Variants in CACNA1E observed in about 807,000 individuals in gnomAD.
CACNA1E encodes calcium voltage-gated channel subunit alpha1 E, also known as voltage-dependent R-type calcium channel subunit alpha-1E.
CACNA1E carries 40 observed loss-of-function variants against 259.2 expected under a neutral mutation model. The ratio of observed to expected loss-of-function variants is 0.15; its 90% CI spans 0.12 to 0.20. The LOEUF (loss-of-function observed/expected upper bound fraction) is 0.20. Among genes scored for constraint, CACNA1E ranks in the 10% least tolerant of loss-of-function variants. CACNA1E has a pLI of 1.00. For synonymous variants in CACNA1E, 1,104 were observed against 1,138.5 expected (o/e 0.97, Z 0.61); for missense variants, 1,874 against 3,040.1 (o/e 0.62, Z 9.02).
At chr1:181,599,154 C>G (rs1203308710) in intron 6 of CACNA1E, among the ~76,000 whole-genome samples, 3 of 151,950 alleles carry the variant, frequency 2.0e-5, no homozygotes, top group East Asian at 1.9e-4. Context: ...GTTGTTCCCC[C>G]CTCCCATGTG....
intron 3 of CACNA1E, among the ~76,000 whole-genome samples, chr1:181,531,622 A>C (rs1667787715): frequency 1.3e-5 from 2 of 152,210 alleles, no homozygotes; most frequent in Admixed American, 6.5e-5. Context: ...ATGTTCACTC[A>C]TACTTTGCCC....
At chr1:181,784,140 G>A (rs1660663004) in intron 40 of CACNA1E, among the ~76,000 whole-genome samples, 1 of 152,202 alleles carries the variant, frequency 6.6e-6, no homozygotes, top group South Asian at 2.1e-4. Context: ...AGAAGGTGCT[G>A]TCATAGAGGC....
At chr1:181,665,238 TAC>T (rs1193663754) in intron 7 of CACNA1E, among the ~76,000 whole-genome samples, 3 of 152,242 alleles carry the variant, frequency 2.0e-5, no homozygotes, top group Middle Eastern at 6.8e-3. Flanking sequence ...TATGCATACA[TAC>T]ACACACATTT....
chr1:181,416,124 C>T (rs1237466094), intron 2 of CACNA1E, among the ~76,000 whole-genome samples: 1 of 152,050 alleles, frequency 6.6e-6, no homozygotes, highest in Non-Finnish European at 1.5e-5. Flanking sequence ...CTTGGACATG[C>T]TCAGTTATCT....
At chr1:181,495,463 A>G (rs921833760) in intron 1 of CACNA1E, among the ~76,000 whole-genome samples, 1 of 152,240 alleles carries the variant, frequency 6.6e-6, no homozygotes. Flanking sequence ...GAGATAATAC[A>G]TGCAAAGTGC....
chr1:181,747,769 G>T, intron 25 of CACNA1E, among the ~76,000 whole-genome samples: 1 of 152,204 alleles, frequency 6.6e-6, no homozygotes, highest in African/African-American at 2.4e-5. Context: ...TAAGGTACTT[G>T]AAGAGCTCAT....
intron 7 of CACNA1E, among the ~76,000 whole-genome samples, chr1:181,691,155 A>G (rs183835405): frequency 9.9e-5 from 15 of 151,628 alleles, no homozygotes; most frequent in African/African-American, 1.2e-4. Context: ...CCTCACTTTC[A>G]GTTTTCTCAT....
chr1:181,455,297 T>G (rs1359477102), intron 2 of CACNA1E, among the ~76,000 whole-genome samples: 1 of 152,150 alleles, frequency 6.6e-6, no homozygotes, highest in Non-Finnish European at 1.5e-5. Context: ...GAGCAATTTT[T>G]GAGGAGTGGA....
At chr1:181,440,754 C>G (rs1164571286) in intron 2 of CACNA1E, among the ~76,000 whole-genome samples, 2 of 151,806 alleles carry the variant, frequency 1.3e-5, no homozygotes, top group African/African-American at 4.8e-5. Context: ...TGGGGTAGGC[C>G]TTGGATTGCC....
Position 181,362,097 on chromosome 1 carries a change from A to G in CACNA1E, c.-15+43974A>G, listed in dbSNP as rs577339941. 2.0e-5 allele frequency among the ~76,000 whole-genome samples: 3 copies of G among 152,332 alleles called. No individual in the cohort carries two copies. In the South Asian group the frequency reaches 6.2e-4, roughly 32 times the overall value. On this transcript the variant is annotated intron_variant, in intron 1 of 11. Transcript: ENST00000524607. ...ATAGGACTATTTTGAAGCATCTGGCATCCAGTAGGTATTAAATGAACCTTA... is the reference window on the plus strand; with the variant it reads ...ATAGGACTATTTTGAAGCATCTGGCGTCCAGTAGGTATTAAATGAACCTTA...
intron 6 of CACNA1E, among the ~76,000 whole-genome samples, chr1:181,627,558 A>G (rs1263010027): frequency 2.0e-5 from 3 of 152,178 alleles, no homozygotes; most frequent in Non-Finnish European, 2.9e-5. Flanking sequence ...TTCTAAGCAG[A>G]GGAAGGCCAC....
chr1:181,760,565 G>A (rs991894274), intron 32 of CACNA1E, among the ~76,000 whole-genome samples: 2 of 152,046 alleles, frequency 1.3e-5, no homozygotes, highest in African/African-American at 2.4e-5. Context: ...AAAGGGAAGG[G>A]AAAAAGAAAA....
At chr1:181,689,820 G>A (rs1342777553) in intron 7 of CACNA1E, among the ~76,000 whole-genome samples, 3 of 151,816 alleles carry the variant, frequency 2.0e-5, no homozygotes, top group Non-Finnish European at 4.4e-5. Context: ...TTTTTTTATG[G>A]GGTTGTTTTT....
chr1:181,537,095 CTTTTTTT>C (rs201514362), intron 3 of CACNA1E, among the ~76,000 whole-genome samples: 1 of 112,632 alleles, frequency 8.9e-6, no homozygotes, highest in African/African-American at 3.7e-5. Context: ...TTTTTCTTTT[CTTTTTTT>C]TTTTTTTTTT....
intron 2 of CACNA1E, among the ~76,000 whole-genome samples, chr1:181,451,947 G>C (rs186572563): frequency 6.6e-5 from 10 of 152,334 alleles, no homozygotes; most frequent in Non-Finnish European, 1.3e-4. Flanking sequence ...CAAGGTTGCT[G>C]CCCTCAATGA....
chr1:181,575,215 C>T (rs1380570741), intron 3 of CACNA1E, among the ~76,000 whole-genome samples: 1 of 151,992 alleles, frequency 6.6e-6, no homozygotes, highest in Non-Finnish European at 1.5e-5. Context: ...ACTTGGAGGC[C>T]CAGGACAGCA....
intron 21 of CACNA1E, among the ~76,000 whole-genome samples, chr1:181,734,440 C>G (rs1025319982): frequency 6.6e-6 from 1 of 151,150 alleles, no homozygotes; most frequent in African/African-American, 2.4e-5. Context: ...TTCATCCTAC[C>G]CCTTATCCTT....
Position 181,579,273 on chromosome 1 carries a change from A to G in CACNA1E, c.769+49A>G, listed in dbSNP as rs138014958. The G allele has an allele frequency of 2.2e-4, 333 of 1,493,618 alleles. No individual in the cohort carries two copies. In the East Asian group the frequency reaches 3.8e-3, roughly 17 times the overall value. 92.5% of individuals were successfully genotyped at this position (1,493,618 alleles called of 1,614,324 possible). ...CTCCTTTTCCCTTCTCCCCTCTGTT[A>G]ACTGGGGTAATTTCAGGGCACTTGG... On this transcript the variant is annotated intron_variant, in intron 5 of 47. Coordinates refer to ENST00000367573, the MANE Select transcript of CACNA1E (RefSeq NM_001205293.3).
chr1:181,562,621 G>A (rs999308779), intron 3 of CACNA1E, among the ~76,000 whole-genome samples: 8 of 152,156 alleles, frequency 5.3e-5, no homozygotes, highest in South Asian at 4.1e-4. Context: ...GTTAATTTGC[G>A]TAGCTGGCAA....
Sources: allele counts gnomAD v4.1 joint callset (sites outside exome capture counted in the v4.1 genomes callset), GRCh38; gene constraint gnomAD v4.1.1; transcripts MANE v1.5; gene names NCBI Gene and HGNC (gene_info 2026-07-23, HGNC 2026-07-21).